Variants in CLTCL1 observed in about 807,000 individuals in gnomAD.
CLTCL1 encodes clathrin heavy chain like 1, also known as clathrin heavy chain 2.
A neutral mutation model predicts 190.0 loss-of-function variants in CLTCL1; 159 were observed. The observed-to-expected ratio is 0.84, with a 90% CI of 0.74 to 0.95. The LOEUF is 0.95. Ranked by LOEUF, CLTCL1 falls within the 40% of genes least tolerant of loss-of-function variation. The pLI is 0.00. For missense variants in CLTCL1, 1,878 were observed against 2,033.4 expected (o/e 0.92, Z 1.47); for synonymous variants, 752 against 769.6 (o/e 0.98, Z 0.38).
chr22:19,267,332 A>G (rs1454265040), intron 2 of CLTCL1, among the ~76,000 whole-genome samples: 2 of 152,166 alleles, frequency 1.3e-5, no homozygotes, highest in Non-Finnish European at 2.9e-5. Context: ...ATCTAAATAA[A>G]CAGAGACATT....
At chr22:19,220,146 G>C (rs564878140) in intron 17 of CLTCL1, 139 bp from the exon 18 acceptor site, 20 of 1,022,478 alleles carry the variant, frequency 2.0e-5, no homozygotes, top group Non-Finnish European at 2.8e-5. Context: ...GCTATGCTTT[G>C]ACATGGGATG....
chr22:19,257,747 G>T, intron 2 of CLTCL1: 1 of 1,330,632 alleles, frequency 7.5e-7, no homozygotes, highest in Non-Finnish European at 1.0e-6. Flanking sequence ...CAGGAATAGG[G>T]GGCATCTAGA....
At chr22:19,191,028 G>A (rs1318868685) in intron 27 of CLTCL1, among the ~76,000 whole-genome samples, 8 of 152,032 alleles carry the variant, frequency 5.3e-5, no homozygotes, top group Non-Finnish European at 1.0e-4. Flanking sequence ...CGCCCGCCTC[G>A]GCCTCCCAAA....
rs1555954009 is a variant in CLTCL1, at chr22:19,223,881, T to C, written c.2292+10A>G. ...GGCAGCTCATGGAAGGAGGCAGCAC[T>C]GGAACACACCTTCAGGAAGTTCTTC... On this transcript the variant is annotated intron_variant, in intron 14 of 32. Coordinates refer to ENST00000427926, the MANE Select transcript of CLTCL1 (RefSeq NM_007098.4). 1.2e-6 allele frequency: 2 copies of C among 1,613,072 alleles called. No homozygotes were observed. Among genetic ancestry groups the C allele is most frequent in the Non-Finnish European group, 1.7e-6 (2 of 1,179,858 alleles).
chr22:19,258,060 G>A, intron 2 of CLTCL1: 1 of 456,528 alleles, frequency 2.2e-6, no homozygotes, highest in Non-Finnish European at 4.3e-6. Context: ...TTTGTGAGGA[G>A]CGACATCCAT....
chr22:19,255,564 A>G (rs1271316237), intron 2 of CLTCL1, among the ~76,000 whole-genome samples: 3 of 151,802 alleles, frequency 2.0e-5, no homozygotes, highest in Non-Finnish European at 2.9e-5. Context: ...ACAGGTCTCA[A>G]AAAAAATCAA....
rs782170592 is a variant in CLTCL1 at position 19,210,371 on chromosome 22, G to A, written c.3204C>T (p.Ala1068=). ...IAVSSALYEE[A]FTVFHKFDMN... ...TATCAAACTTGTGGAAAACGGTGAA[G>A]GCCTCCTCATACAGTGCGCTGCTGA... The change falls in exon 20 of 33, where the codon GCC becomes GCT. Residue 1068 remains alanine, a synonymous_variant. Transcript: ENST00000427926. The A allele has an allele frequency of 3.7e-6, 6 of 1,613,874 alleles. No individual in the cohort carries two copies. In the African/African-American group the frequency reaches 8.0e-5, roughly 22 times the overall value.
At chr22:19,197,851 C>A (rs2084759884) in intron 24 of CLTCL1, among the ~76,000 whole-genome samples, 1 of 152,192 alleles carries the variant, frequency 6.6e-6, no homozygotes, top group South Asian at 2.1e-4. Flanking sequence ...CAGCCCACCC[C>A]TGTTGGGCAG....
chr22:19,196,221 C>T (rs782097067), intron 26 of CLTCL1, 45 bp downstream of exon 26: 2 of 1,587,264 alleles, frequency 1.3e-6, no homozygotes, highest in Non-Finnish European at 1.7e-6. Context: ...CAGAATAGGG[C>T]CTGGCAGAGG....
Position 19,254,237 on chromosome 22 carries a change from G to T in CLTCL1, c.251-10C>A. On this transcript the variant is annotated splice_polypyrimidine_tract_variant and intron_variant, in intron 2 of 32. Coordinates refer to ENST00000427926, the MANE Select transcript of CLTCL1 (RefSeq NM_007098.4). ...TGAAGTGTCTTCCCAGCTAGTATTT[G>T]ATATAATAGAGATTAGAGAAAGACA... The T allele has an allele frequency of 1.0e-5, 16 of 1,595,948 alleles. No homozygotes were observed. The highest frequency in any genetic ancestry group is 1.4e-5 in the Non-Finnish European group (16 of 1,165,802).
intron 26 of CLTCL1, among the ~76,000 whole-genome samples, chr22:19,195,934 G>A (rs1326307669): frequency 4.6e-5 from 7 of 152,198 alleles, no homozygotes; most frequent in African/African-American, 1.7e-4. Context: ...AGGGCAGAAG[G>A]AAGAACGAAC....
intron 3 of CLTCL1, among the ~76,000 whole-genome samples, chr22:19,251,208 A>C (rs1418522319): frequency 7.0e-6 from 1 of 143,700 alleles, no homozygotes; most frequent in African/African-American, 2.7e-5. Flanking sequence ...ATTTACCTCT[A>C]AGTATTTTAT....
chr22:19,289,320 G>T (rs73379804), intron 1 of CLTCL1, among the ~76,000 whole-genome samples: 1 of 152,128 alleles, frequency 6.6e-6, no homozygotes, highest in Admixed American at 6.5e-5. Flanking sequence ...GCCAACTGCA[G>T]CCTGCTTTTG....
intron 29 of CLTCL1, among the ~76,000 whole-genome samples, chr22:19,185,846 C>G (rs2084299086): frequency 6.6e-6 from 1 of 152,226 alleles, no homozygotes; most frequent in African/African-American, 2.4e-5. Context: ...CCGAGGGCAG[C>G]CTTCCCTCAG....
chr22:19,183,405 C>T lies in CLTCL1; in HGVS notation c.4812G>A (p.Arg1604=). The change falls in exon 30 of 33, where the codon AGG becomes AGA. Residue 1604 remains arginine, a synonymous_variant. Transcript: ENST00000427926. ...CGGCACCTACCTTGCTCAGGTACTC[C>T]CTCATCACCTGGATGAAGTAGGGCA... is the stretch of plus-strand genomic sequence containing the variant. ...LAMPYFIQVM[R]EYLSKVDKLD... is the part of the protein sequence containing the mutation. The T allele has an allele frequency of 1.9e-6, 3 of 1,613,308 alleles. No individual in the cohort carries two copies. The highest frequency in any genetic ancestry group is 2.5e-6 in the Non-Finnish European group (3 of 1,179,802).
chr22:19,197,349 T>C (rs1260672924), intron 24 of CLTCL1, among the ~76,000 whole-genome samples: 1 of 152,164 alleles, frequency 6.6e-6, no homozygotes, highest in Non-Finnish European at 1.5e-5. Context: ...ACTTGTCTGC[T>C]GGCAGCATCT....
rs782699729 is a variant in CLTCL1, at chr22:19,254,152, A to G, written c.326T>C (p.Ile109Thr). 4 of 1,613,790 alleles carry G rather than the reference A, an allele frequency of 2.5e-6. No homozygotes were observed. Among genetic ancestry groups the G allele is most frequent in the Admixed American group, 1.7e-5 (1 of 59,982 alleles). ...MKAHTMAEEV[I>T]FWKWVSVNTV... ...GTTCACAGAAACCCATTTCCAGAAAATCACTTCTTCTGCCATAGTATGAGC... is the reference window on the plus strand; with the variant it reads ...GTTCACAGAAACCCATTTCCAGAAAGTCACTTCTTCTGCCATAGTATGAGC... Residue 109 changes from isoleucine to threonine, a missense_variant, in exon 3 of 33, where the codon ATT becomes ACT. Physicochemically the swap from Ile to Thr is moderately conservative, Grantham distance 89. Transcript: ENST00000427926.
At chr22:19,194,607 G>C (rs1457790190) in intron 26 of CLTCL1, among the ~76,000 whole-genome samples, 1 of 152,254 alleles carries the variant, frequency 6.6e-6, no homozygotes, top group East Asian at 1.9e-4. Flanking sequence ...CGGATGCCAG[G>C]CACCTGCCAT....
At chr22:19,252,480 T>G (rs1417921474) in intron 3 of CLTCL1, among the ~76,000 whole-genome samples, 2 of 152,180 alleles carry the variant, frequency 1.3e-5, no homozygotes, top group Non-Finnish European at 2.9e-5. Context: ...GCTAGCAAAA[T>G]GCATCTTAGA....
Sources: gnomAD v4.1 joint callset for allele counts (sites outside exome capture counted in the v4.1 genomes callset) on GRCh38, gnomAD v4.1.1 for gene constraint, MANE v1.5 for transcripts, NCBI Gene and HGNC (gene_info 2026-07-23, HGNC 2026-07-21) for gene names.